Variants in HSP90AA1 observed in about 807,000 individuals in gnomAD.
The protein encoded by HSP90AA1 is heat shock protein 90 alpha family class A member 1.
HSP90AA1 carries 18 observed loss-of-function variants against 73.3 expected under a neutral mutation model. The observed-to-expected ratio is 0.25, with a 90% CI of 0.17 to 0.36. The LOEUF is 0.36. HSP90AA1 is among the 10% of genes least tolerant of loss of function. The pLI is 1.00. For missense variants in HSP90AA1, 704 were observed against 874.2 expected, an observed-to-expected ratio of 0.81 and a Z score of 2.45; for synonymous variants, 477 against 296.9, an observed-to-expected ratio of 1.61 and a Z score of -6.24.
At chr14:102,089,606 C>T (rs1417415736), upstream of HSP90AA1, among the ~76,000 whole-genome samples, 1 of 152,168 alleles carries the variant, frequency 6.6e-6, no homozygotes. Flanking sequence ...TTGTCCAGCA[C>T]TCTCACTAAT....
intron 1 of HSP90AA1, among the ~76,000 whole-genome samples, chr14:102,124,194 T>TC (rs2049813804): frequency 6.7e-6 from 1 of 149,066 alleles, no homozygotes; most frequent in African/African-American, 2.5e-5. Flanking sequence ...ATGCTAATTT[T>TC]TTTTTTTTTT....
At chr14:102,094,285 GA>G (rs2049396569) in intron 2 of HSP90AA1, among the ~76,000 whole-genome samples, 1 of 152,244 alleles carries the variant, frequency 6.6e-6, no homozygotes, top group African/African-American at 2.4e-5. Flanking sequence ...TGATAAGCCA[GA>G]AATGGAGCCT....
In HSP90AA1 at chr14:102,086,912, C is replaced by A. The variant is rs1156432325; in HGVS notation, c.-1+74G>T. The A allele has an allele frequency of 8.0e-6, 7 of 872,292 alleles. No individual in the cohort carries two copies. In the East Asian group the frequency reaches 6.1e-4, roughly 75 times the overall value. The allele number at this position is 872,292 out of a possible 1,614,324, so 54.0% of individuals were successfully genotyped here. On this transcript the variant is annotated intron_variant, in intron 1 of 10. Coordinates refer to ENST00000216281, the MANE Select transcript of HSP90AA1 (RefSeq NM_005348.4). Reference sequence around the variant, plus strand: ...CAGGGATCTGGTCCGGCCCCCACAGCCTCCGCCCCGCGCCAGCCGCCCCCA... The same window carrying A: ...CAGGGATCTGGTCCGGCCCCCACAGACTCCGCCCCGCGCCAGCCGCCCCCA...
At chr14:102,087,359 C>T (rs900530845), upstream of HSP90AA1, among the ~76,000 whole-genome samples, 6 of 151,456 alleles carry the variant, frequency 4.0e-5, no homozygotes, top group African/African-American at 1.5e-4. Context: ...CTGGGGCCGC[C>T]CGCGCCCTCC....
chr14:102,139,353 G>A, exon 1 of HSP90AA1: 5 of 1,610,660 alleles, frequency 3.1e-6, no homozygotes, highest in Non-Finnish European at 4.2e-6. Context: ...TCCCTGTCCC[G>A]AAGGGAGGGC....
intron 2 of HSP90AA1, among the ~76,000 whole-genome samples, chr14:102,093,373 G>T (rs138238268): frequency 0.016 from 2,429 of 151,510 alleles, 72 homozygotes; most frequent in African/African-American, 0.056. Context: ...GCTGGGCGTG[G>T]TGGCATATGC....
intron 1 of HSP90AA1, among the ~76,000 whole-genome samples, chr14:102,122,914 C>G (rs546535607): frequency 6.7e-6 from 1 of 150,326 alleles, no homozygotes; most frequent in South Asian, 2.1e-4. Context: ...GTGATCCACC[C>G]GCCTCAGCCT....
At chr14:102,107,663 G>C (rs1370322584) in intron 1 of HSP90AA1, among the ~76,000 whole-genome samples, 1 of 152,052 alleles carries the variant, frequency 6.6e-6, no homozygotes. Context: ...CACAAGCACA[G>C]AGGATATGTA....
chr14:102,100,793 A>G (rs1305214664), intron 2 of HSP90AA1, among the ~76,000 whole-genome samples: 2 of 152,168 alleles, frequency 1.3e-5, no homozygotes, highest in African/African-American at 4.8e-5. Flanking sequence ...ATGAGTTTAA[A>G]TCCCTGCTCT....
intron 1 of HSP90AA1, among the ~76,000 whole-genome samples, chr14:102,108,531 C>CTTTTT (rs35612478): frequency 6.1e-5 from 8 of 130,786 alleles, no homozygotes; most frequent in South Asian, 2.4e-4. Flanking sequence ...TAACTTATAA[C>CTTTTT]TTTTTTTTTT....
At chr14:102,101,633 C>T (rs1431081816) in intron 2 of HSP90AA1, among the ~76,000 whole-genome samples, 2 of 152,174 alleles carry the variant, frequency 1.3e-5, no homozygotes, top group African/African-American at 4.8e-5. Context: ...CGCTATAGCC[C>T]TGTATTATGA....
Position 102,083,070 on chromosome 14 carries a change from T to C in HSP90AA1, c.1719A>G (p.Lys573=). The C allele has an allele frequency of 1.2e-6, 2 of 1,613,956 alleles. No individual in the cohort carries two copies. Among genetic ancestry groups the C allele is most frequent in the South Asian group, 1.1e-5 (1 of 91,072 alleles). Residue 573 remains lysine (K), a synonymous_variant, in exon 9 of 11, where the codon AAA becomes AAG. Transcript: ENST00000216281. ...EKKTKFENLC[K]IMKDILEKKV... ...TTTTCTCCAATATGTCTTTCATGATTTTGCAGAGGTTCTCAAACTTTGTTT... is the reference window on the plus strand; with the variant it reads ...TTTTCTCCAATATGTCTTTCATGATCTTGCAGAGGTTCTCAAACTTTGTTT...
chr14:102,128,258 G>A lies in HSP90AA1; in HGVS notation c.155+10992C>T, dbSNP rs149296068. On this transcript the variant is annotated intron_variant, in intron 1 of 11. Transcript: ENST00000334701. ...TGTAATGCCAGCACTTTGGGAGGCC[G>A]AGGTGGGTGGATCACTTGAGGTCAG... Among the ~76,000 whole-genome samples, 707 of 152,274 alleles carry A rather than the reference G, an allele frequency of 4.6e-3. 6 individuals carry two copies. The highest frequency in any genetic ancestry group is 0.016 in the African/African-American group (654 of 41,574).
chr14:102,119,967 T>G (rs1400573895), intron 1 of HSP90AA1, among the ~76,000 whole-genome samples: 1 of 152,218 alleles, frequency 6.6e-6, no homozygotes, highest in African/African-American at 2.4e-5. Context: ...AAGGGGTATG[T>G]TATGCTATAA....
At chr14:102,081,903 T>C (rs1377020543) in intron 10 of HSP90AA1, 82 bp from the exon 11 acceptor site, 6 of 819,100 alleles carry the variant, frequency 7.3e-6, no homozygotes, top group East Asian at 2.4e-5. Context: ...TCTATCTGCT[T>C]TCAAGACAGT....
rs777005475 is a variant in HSP90AA1 at position 102,101,886 on chromosome 14, G to A, written c.355C>T (p.Leu119Phe). ...CTTAGTCCACTTACCAGTAGCCTAA[G>A]CAATATAAATGGCTGCAGATCCTTG... Residue 119 changes from leucine (L) to phenylalanine (F), a missense_variant, in exon 2 of 12, where the codon CTT (leucine) becomes TTT (phenylalanine). Transcript: ENST00000334701. 6.2e-6 allele frequency: 10 copies of A among 1,613,312 alleles called. 1 individual carries two copies. Among genetic ancestry groups the A allele is most frequent in the Non-Finnish European group, 8.5e-6 (10 of 1,179,334 alleles).
chr14:102,085,150 GC>G, intron 4 of HSP90AA1, 147 bp downstream of exon 4: 1 of 1,466,190 alleles, frequency 6.8e-7, no homozygotes, highest in South Asian at 1.2e-5. Context: ...CCACTTAATA[GC>G]CCGAGGAACT....
upstream of HSP90AA1, among the ~76,000 whole-genome samples, chr14:102,087,939 T>G (rs1005597551): frequency 6.3e-4 from 85 of 135,502 alleles, 1 homozygote; most frequent in African/African-American, 2.1e-3. Flanking sequence ...AGGTTTTTTT[T>G]TTTTTTTTTT....
At chr14:102,119,729 C>T (rs964797800) in intron 1 of HSP90AA1, among the ~76,000 whole-genome samples, 58 of 152,218 alleles carry the variant, frequency 3.8e-4, no homozygotes, top group Non-Finnish European at 6.6e-4. Context: ...CCTTGTGCTC[C>T]GCCCGCCTCA....
Sources: allele counts gnomAD v4.1 joint callset (sites outside exome capture counted in the v4.1 genomes callset), GRCh38; gene constraint gnomAD v4.1.1; transcripts MANE v1.5; gene names NCBI Gene and HGNC (gene_info 2026-07-23, HGNC 2026-07-21).